The following PTPRD variants were observed in gnomAD, a reference collection of about 807,000 sequenced individuals.
The protein encoded by PTPRD is protein tyrosine phosphatase receptor type D.
A neutral mutation model predicts 214.5 loss-of-function variants in PTPRD; 34 were observed. That is an observed-to-expected ratio of 0.16 (90% CI 0.12 to 0.21). The LOEUF is 0.21. PTPRD is among the 10% of genes least tolerant of loss of function. PTPRD has a pLI of 1.00. For missense variants in PTPRD, 2,545 were observed against 2,398.7 expected (o/e 1.06, Z -1.27); for synonymous variants, 1,128 against 845.7 (o/e 1.33, Z -5.79).
At chr9:8,756,951 G>A (rs1016871950) in intron 11 of PTPRD, among the ~76,000 whole-genome samples, 3 of 151,974 alleles carry the variant, frequency 2.0e-5, no homozygotes, top group Non-Finnish European at 2.9e-5. Context: ...GACCACCTTG[G>A]CCAACGTGGT....
At chr9:9,685,393 C>T (rs918807451) in intron 7 of PTPRD, among the ~76,000 whole-genome samples, 1 of 151,118 alleles carries the variant, frequency 6.6e-6, no homozygotes, top group African/African-American at 2.4e-5. Flanking sequence ...AATGCAAGTT[C>T]AGTAAAAGTT....
intron 12 of PTPRD, among the ~76,000 whole-genome samples, chr9:8,677,774 A>G (rs2097459352): frequency 6.6e-6 from 1 of 152,180 alleles, no homozygotes. Flanking sequence ...CCCCATGACA[A>G]TCTGTAGTAC....
intron 2 of PTPRD, among the ~76,000 whole-genome samples, chr9:10,574,055 T>C (rs761822719): frequency 3.3e-5 from 5 of 151,980 alleles, no homozygotes; most frequent in African/African-American, 1.2e-4. Flanking sequence ...ATCAGTAACC[T>C]GAGGTATATA....
chr9:9,350,706 T>C (rs1332813), intron 9 of PTPRD, among the ~76,000 whole-genome samples: 96,046 of 151,866 alleles, frequency 0.63, 30,510 homozygotes, highest in Middle Eastern at 0.73. Context: ...ACTACTCTTT[T>C]ATTTTAAATA....
intron 35 of PTPRD, among the ~76,000 whole-genome samples, chr9:8,419,335 A>G (rs2094190570): frequency 6.6e-6 from 1 of 152,140 alleles, no homozygotes; most frequent in South Asian, 2.1e-4. Context: ...GTTTGAGGTC[A>G]TTTAAAACAC....
At chr9:9,349,775 A>C (rs1247315559) in intron 9 of PTPRD, among the ~76,000 whole-genome samples, 1 of 151,576 alleles carries the variant, frequency 6.6e-6, no homozygotes, top group Admixed American at 6.6e-5. Context: ...TTTGTGCTAT[A>C]AATAATTGTA....
intron 5 of PTPRD, among the ~76,000 whole-genome samples, chr9:9,896,715 G>A (rs1038786703): frequency 6.6e-6 from 1 of 151,970 alleles, no homozygotes; most frequent in African/African-American, 2.4e-5. Context: ...GAACATATCA[G>A]AAAATACAGT....
At chr9:9,647,581 G>T (rs1246818736) in intron 7 of PTPRD, among the ~76,000 whole-genome samples, 1 of 152,154 alleles carries the variant, frequency 6.6e-6, no homozygotes, top group African/African-American at 2.4e-5. Context: ...TACTATGAAT[G>T]TGGGCCAAAA....
intron 3 of PTPRD, among the ~76,000 whole-genome samples, chr9:10,331,443 A>G (rs1466618397): frequency 6.6e-6 from 1 of 151,804 alleles, no homozygotes; most frequent in Non-Finnish European, 1.5e-5. Flanking sequence ...GAGGCAAACC[A>G]TTTCCCCATT....
At chr9:9,830,118 A>C (rs1186784102) in intron 5 of PTPRD, among the ~76,000 whole-genome samples, 1 of 151,688 alleles carries the variant, frequency 6.6e-6, no homozygotes, top group Non-Finnish European at 1.5e-5. Context: ...TTTATTTTAA[A>C]AATTCATATA....
intron 14 of PTPRD, among the ~76,000 whole-genome samples, chr9:8,626,904 C>T (rs931152865): frequency 1.3e-5 from 2 of 151,618 alleles, no homozygotes; most frequent in Admixed American, 1.3e-4. Flanking sequence ...AAGGCTCTTC[C>T]TATATATGTA....
At chr9:10,473,123 C>T (rs559404286) in intron 2 of PTPRD, among the ~76,000 whole-genome samples, 3 of 152,138 alleles carry the variant, frequency 2.0e-5, no homozygotes, top group African/African-American at 7.2e-5. Flanking sequence ...AATTGGCCGA[C>T]ATAGAAATTT....
At chr9:10,478,711 T>A (rs919054784) in intron 2 of PTPRD, among the ~76,000 whole-genome samples, 17 of 151,754 alleles carry the variant, frequency 1.1e-4, no homozygotes, top group Non-Finnish European at 2.2e-4. Flanking sequence ...ACAGAGTTAC[T>A]ATATTCTGTA....
At chr9:9,814,029 A>C (rs2047973951) in intron 5 of PTPRD, among the ~76,000 whole-genome samples, 1 of 152,160 alleles carries the variant, frequency 6.6e-6, no homozygotes, top group South Asian at 2.1e-4. Flanking sequence ...CACTACACTA[A>C]CAGAATGAAG....
At chr9:8,860,645 A>G (rs2098085603) in intron 11 of PTPRD, 1 of 152,216 alleles carries the variant, frequency 6.6e-6, no homozygotes, top group South Asian at 2.1e-4. Flanking sequence ...ATATATTCAG[A>G]GCAGATTGGC....
intron 5 of PTPRD, among the ~76,000 whole-genome samples, chr9:9,790,700 A>T (rs1403087104): frequency 1.3e-5 from 2 of 152,212 alleles, no homozygotes. Context: ...AGACATTCAC[A>T]CAAATGTTTG....
At chr9:10,520,320 C>G (rs912556383) in intron 2 of PTPRD, among the ~76,000 whole-genome samples, 2 of 152,152 alleles carry the variant, frequency 1.3e-5, no homozygotes, top group Non-Finnish European at 2.9e-5. Flanking sequence ...TTAAGCCAAG[C>G]CCTAAACCAG....
chr9:9,955,166 G>C (rs7023909), intron 4 of PTPRD, among the ~76,000 whole-genome samples: 18,441 of 152,062 alleles, frequency 0.12, 1,420 homozygotes, highest in East Asian at 0.23. Context: ...AGCACTGTCA[G>C]CAAACAAAGG....
intron 9 of PTPRD, among the ~76,000 whole-genome samples, chr9:9,376,497 T>G (rs2060842227): frequency 6.6e-6 from 1 of 152,156 alleles, no homozygotes. Context: ...AATTTCACCT[T>G]TGAGCCCAAG....
Sources: allele counts gnomAD v4.1 joint callset (sites outside exome capture counted in the v4.1 genomes callset), GRCh38; gene constraint gnomAD v4.1.1; transcripts MANE v1.5; gene names NCBI Gene and HGNC (gene_info 2026-07-23, HGNC 2026-07-21).